The following JPH2 variants were observed in gnomAD, a reference collection of about 807,000 sequenced individuals.
JPH2 encodes the protein junctophilin-2.
JPH2 carries 38 observed loss-of-function variants against 55.9 expected under a neutral mutation model. The observed-to-expected ratio is 0.68, with a 90% confidence interval of 0.52 to 0.89. The LOEUF is 0.89. JPH2 is among the 40% of genes least tolerant of loss of function. The pLI, the probability that JPH2 is intolerant of heterozygous loss-of-function variation, is 0.00. For synonymous variants in JPH2, 480 were observed against 472.4 expected, an observed-to-expected ratio of 1.02 and a Z score of -0.21; for missense variants, 964 against 1,037.6, an observed-to-expected ratio of 0.93 and a Z score of 0.97.
At chr20:44,113,807 G>A (rs1445113444) in intron 5 of JPH2, among the ~76,000 whole-genome samples, 2 of 121,540 alleles carry the variant, frequency 1.6e-5, no homozygotes, top group Non-Finnish European at 3.9e-5. Flanking sequence ...CACCCTTCAG[G>A]TCATTAAAGG....
At chr20:44,142,739 G>T (rs1055947839) in intron 2 of JPH2, among the ~76,000 whole-genome samples, 1 of 152,192 alleles carries the variant, frequency 6.6e-6, no homozygotes, top group Non-Finnish European at 1.5e-5. Flanking sequence ...GGATCTTCAG[G>T]TTTTCTTCCC....
intron 2 of JPH2, among the ~76,000 whole-genome samples, chr20:44,120,082 C>T (rs2145841728): frequency 6.6e-6 from 1 of 152,166 alleles, no homozygotes; most frequent in East Asian, 1.9e-4. Flanking sequence ...CTTCCCTACG[C>T]CATCCTGCCT....
intron 1 of JPH2, among the ~76,000 whole-genome samples, chr20:44,166,096 G>A (rs918387633): frequency 3.3e-5 from 5 of 152,164 alleles, no homozygotes; most frequent in Admixed American, 6.5e-5. Flanking sequence ...GTAAATATGT[G>A]TTGGATGAAT....
chr20:44,114,952 G>A, intron 4 of JPH2, 76 bp from the exon 5 acceptor site: 8 of 1,122,214 alleles, frequency 7.1e-6, no homozygotes, highest in Non-Finnish European at 1.1e-5. Flanking sequence ...CAGCAAGGCT[G>A]GACAGAGCAG....
intron 2 of JPH2, among the ~76,000 whole-genome samples, chr20:44,150,219 G>A (rs2072522423): frequency 6.6e-6 from 1 of 152,072 alleles, no homozygotes; most frequent in Non-Finnish European, 1.5e-5. Context: ...GAGGAGGATG[G>A]TTCTAGACTA....
At chr20:44,118,707 T>C in intron 2 of JPH2, 84 bp from the exon 3 acceptor site, 5 of 1,064,902 alleles carry the variant, frequency 4.7e-6, no homozygotes, top group Non-Finnish European at 7.2e-6. Flanking sequence ...CAAAGAGACA[T>C]GCTAAACACA....
chr20:44,140,977 G>A (rs1015101781), intron 2 of JPH2, among the ~76,000 whole-genome samples: 5 of 152,174 alleles, frequency 3.3e-5, no homozygotes, highest in East Asian at 1.9e-4. Context: ...GCTCTTGACC[G>A]TGAATGATGT....
chr20:44,166,512 A>G (rs6031431), intron 1 of JPH2, among the ~76,000 whole-genome samples: 69,272 of 152,094 alleles, frequency 0.46, 15,946 homozygotes, highest in Middle Eastern at 0.51. Context: ...GGGCTGATGT[A>G]GTCCCTTTAA....
chr20:44,134,901 TATATATA>T (rs1569195909), intron 2 of JPH2, among the ~76,000 whole-genome samples: 2 of 76,066 alleles, frequency 2.6e-5, no homozygotes, highest in Non-Finnish European at 4.8e-5. Context: ...TATATATTTA[TATATATA>T]TATAAAATAT....
At chr20:44,133,954 A>T (rs1327942902) in intron 2 of JPH2, among the ~76,000 whole-genome samples, 22 of 13,270 alleles carry the variant, frequency 1.7e-3, no homozygotes, top group East Asian at 5.5e-3. Flanking sequence ...AATATATATA[A>T]ATAAATATAT....
chr20:44,156,908 C>T (rs549235743), intron 2 of JPH2, among the ~76,000 whole-genome samples: 65 of 152,298 alleles, frequency 4.3e-4, no homozygotes, highest in African/African-American at 1.4e-3. Flanking sequence ...ACGGCTCACA[C>T]ACTTATAGCA....
chr20:44,134,877 T>TATAA (rs1491331553), intron 2 of JPH2, among the ~76,000 whole-genome samples: 527 of 10,022 alleles, frequency 0.053, 15 homozygotes, highest in African/African-American at 0.19. Flanking sequence ...TATATATATT[T>TATAA]ATATATATAT....
chr20:44,140,272 G>A (rs1438380882), intron 2 of JPH2, among the ~76,000 whole-genome samples: 2 of 152,190 alleles, frequency 1.3e-5, no homozygotes, highest in Non-Finnish European at 2.9e-5. Context: ...CAGCTGGGTG[G>A]TCAGGGAGAA....
At chr20:44,124,150 G>A (rs1307283115) in intron 2 of JPH2, among the ~76,000 whole-genome samples, 1 of 152,122 alleles carries the variant, frequency 6.6e-6, no homozygotes, top group Admixed American at 6.5e-5. Context: ...TCTGGGATAG[G>A]AGCAGGGCTC....
rs765198116 is a variant in JPH2, at chr20:44,162,787, T to TACACACACACACAC, written c.380-2394_380-2381dup. Among the ~76,000 whole-genome samples the TACACACACACACAC allele has an allele frequency of 2.2e-4, 9 of 41,008 alleles. 2 individuals carry two copies. The East Asian group carries it at 3.5e-3, about 16-fold the overall frequency. The allele number at this position is 41,008 out of a possible 152,430, so 26.9% of individuals were successfully genotyped here. On this transcript the variant is annotated intron_variant, in intron 1 of 5. Transcript: ENST00000372980. ...ATATATATATATATATATATATATA[T>TACACACACACACAC]ACACACACACACACACACACACACA...
Position 44,109,975 on chromosome 20 carries a change from C to T in JPH2, c.*3543G>A, listed in dbSNP as rs569280138. ...TTAAGTTCATGCATGGTACAAACCA[C>T]CTTAAATGCATTCCGGGCATGGCAG... On this transcript the variant is annotated 3_prime_UTR_variant, in exon 6 of 6. Coordinates refer to ENST00000372980, the MANE Select transcript of JPH2 (RefSeq NM_020433.5). 1.4e-4 allele frequency among the ~76,000 whole-genome samples: 21 copies of T among 152,170 alleles called. No homozygotes were observed. The highest frequency in any genetic ancestry group is 2.6e-4 in the Non-Finnish European group (18 of 68,028).
Position 44,186,322 on chromosome 20 carries a change from C to T in JPH2, c.379+5G>A. 1.2e-6 allele frequency: 2 copies of T among 1,610,598 alleles called. No homozygotes were observed. Among genetic ancestry groups the T allele is most frequent in the Non-Finnish European group, 1.7e-6 (2 of 1,179,910 alleles). ...CCACCTCTGCGGGCCCCCAGCTGGC[C>T]TCACCTCCATCAGCATAGGTCTCGG... On this transcript the variant is annotated splice_donor_5th_base_variant and intron_variant, in intron 1 of 5. Coordinates refer to ENST00000372980, the MANE Select transcript of JPH2 (RefSeq NM_020433.5).
chr20:44,123,310 A>G (rs1347170878), intron 2 of JPH2, among the ~76,000 whole-genome samples: 1 of 151,624 alleles, frequency 6.6e-6, no homozygotes, highest in East Asian at 1.9e-4. Flanking sequence ...AATCACCAAC[A>G]CTGGTCTCTC....
intron 2 of JPH2, among the ~76,000 whole-genome samples, chr20:44,140,017 G>A (rs996676248): frequency 2.0e-5 from 3 of 152,118 alleles, no homozygotes; most frequent in Middle Eastern, 3.4e-3. Context: ...GACTACAGGC[G>A]CGTGCCACCT....
Sources: allele counts gnomAD v4.1 joint callset (sites outside exome capture counted in the v4.1 genomes callset), GRCh38; gene constraint gnomAD v4.1.1; transcripts MANE v1.5; gene names NCBI Gene and HGNC (gene_info 2026-07-23, HGNC 2026-07-21).